AGBL1: variants seen among roughly 807,000 people sequenced by gnomAD.
AGBL1 encodes the protein AGBL carboxypeptidase 1.
In AGBL1, 130 loss-of-function variants were observed where a neutral mutation model predicts 118.9. The observed-to-expected ratio is 1.09, with a 90% CI of 0.95 to 1.26. The LOEUF (loss-of-function observed/expected upper bound fraction) is 1.26. AGBL1 is among the 50% of genes most tolerant of loss of function. The pLI, the probability that AGBL1 is intolerant of heterozygous loss-of-function variation, is 0.00. For synonymous variants in AGBL1, 555 were observed against 478.9 expected, an observed-to-expected ratio of 1.16 and a Z score of -2.08; for missense variants, 1,584 against 1,298.1, an observed-to-expected ratio of 1.22 and a Z score of -3.38.
intron 22 of AGBL1, among the ~76,000 whole-genome samples, chr15:86,736,444 A>G (rs2077600826): frequency 6.6e-6 from 1 of 152,112 alleles, no homozygotes; most frequent in Non-Finnish European, 1.5e-5. Flanking sequence ...ACTTCTATAT[A>G]GCATCTCCCA....
At chr15:86,530,398 A>G (rs1236161975) in intron 19 of AGBL1, among the ~76,000 whole-genome samples, 12 of 139,544 alleles carry the variant, frequency 8.6e-5, no homozygotes, top group Non-Finnish European at 1.2e-4. Context: ...CAATTCAACA[A>G]GAGGAGCTAA....
chr15:86,807,969 A>G (rs554703760), intron 22 of AGBL1, among the ~76,000 whole-genome samples: 11 of 152,258 alleles, frequency 7.2e-5, no homozygotes, highest in Middle Eastern at 3.4e-3. Context: ...AACATGGGCA[A>G]GCTGTGGAAC....
chr15:86,200,923 A>G (rs2077898082), intron 5 of AGBL1, among the ~76,000 whole-genome samples: 1 of 152,100 alleles, frequency 6.6e-6, no homozygotes, highest in Non-Finnish European at 1.5e-5. Flanking sequence ...GCGAGGAATC[A>G]TGAATTCTTT....
In AGBL1 at chr15:86,256,864, T is replaced by A; in HGVS notation, c.747T>A (p.Asp249Glu). 2.5e-6 allele frequency: 4 copies of A among 1,613,870 alleles called. No homozygotes were observed. The highest frequency in any genetic ancestry group is 3.4e-6 in the Non-Finnish European group (4 of 1,179,842). The change falls in exon 8 of 23, where the codon GAT becomes GAA. Residue 249 changes from aspartate to glutamate, a missense_variant. Coordinates refer to ENST00000614907, the MANE Select transcript of AGBL1 (RefSeq NM_001386094.1). ...TTCCCTTTGCTCAGAACTGCCTGGA[T>A]GACAAGAGCATGGAGCCCGTCATCT... Reference protein sequence around the residue: ...ILFSTTQNCLDDKSMEPVISV... With the variant: ...ILFSTTQNCLEDKSMEPVISV...
intron 23 of AGBL1, among the ~76,000 whole-genome samples, chr15:86,979,072 G>C (rs143404088): frequency 6.6e-6 from 1 of 152,296 alleles, no homozygotes; most frequent in East Asian, 1.9e-4. Context: ...GTGTGAGGAG[G>C]TAAATCCTAC....
intron 1 of AGBL1, among the ~76,000 whole-genome samples, chr15:86,098,384 C>T (rs1053661059): frequency 1.3e-5 from 2 of 152,068 alleles, no homozygotes; most frequent in African/African-American, 4.8e-5. Context: ...AAAATCTTTG[C>T]TTTGGGCCAA....
chr15:86,876,011 C>T (rs1431477497), intron 22 of AGBL1, among the ~76,000 whole-genome samples: 1 of 152,178 alleles, frequency 6.6e-6, no homozygotes, highest in African/African-American at 2.4e-5. Flanking sequence ...CTTTGTCAGG[C>T]AGGTGGCAGA....
chr15:86,544,360 C>A (rs1379721408), intron 19 of AGBL1, among the ~76,000 whole-genome samples: 1 of 152,156 alleles, frequency 6.6e-6, no homozygotes, highest in African/African-American at 2.4e-5. Flanking sequence ...AGACAGCAAA[C>A]CCCTTAATAT....
intron 22 of AGBL1, among the ~76,000 whole-genome samples, chr15:86,747,153 T>C (rs866459828): frequency 1.3e-5 from 2 of 151,914 alleles, no homozygotes; most frequent in African/African-American, 2.4e-5. Context: ...GGGCCCCAAA[T>C]ATAGGCCATG....
chr15:86,109,189 A>G (rs1007553818), intron 1 of AGBL1, among the ~76,000 whole-genome samples: 1 of 152,194 alleles, frequency 6.6e-6, no homozygotes, highest in Non-Finnish European at 1.5e-5. Context: ...CAGTACTACA[A>G]TAATAATAAC....
At chr15:86,814,388 G>A (rs2078831804) in intron 22 of AGBL1, among the ~76,000 whole-genome samples, 1 of 152,178 alleles carries the variant, frequency 6.6e-6, no homozygotes, top group African/African-American at 2.4e-5. Flanking sequence ...CAAAAAGGTT[G>A]GGGACTGCTC....
chr15:86,086,497 A>T (rs1895663459), intron 1 of AGBL1: 1 of 152,190 alleles, frequency 6.6e-6, no homozygotes, highest in African/African-American at 2.4e-5. Context: ...ATGATATGAG[A>T]CAAGGGAGCA....
chr15:87,024,765 A>G (rs1369042139), intron 24 of AGBL1, among the ~76,000 whole-genome samples: 1 of 152,070 alleles, frequency 6.6e-6, no homozygotes, highest in Non-Finnish European at 1.5e-5. Context: ...ATCCAACAAT[A>G]TATCAAAAAG....
At chr15:86,755,575 T>C (rs2077925417) in intron 22 of AGBL1, among the ~76,000 whole-genome samples, 1 of 152,112 alleles carries the variant, frequency 6.6e-6, no homozygotes, top group African/African-American at 2.4e-5. Flanking sequence ...GTCCCCCTCT[T>C]CCAAGGATTC....
In AGBL1 at chr15:86,546,039, A is replaced by T. The variant is rs373338498; in HGVS notation, c.2723A>T (p.Asn908Ile). ...TTCCATGGCCACTCCCAAAAGAAGA[A>T]TGTGTTCCTTTATGGCTGTAGCATC... Reference protein sequence around the residue: ...CDFHGHSQKKNVFLYGCSIKE... With the variant: ...CDFHGHSQKKIVFLYGCSIKE... The change falls in exon 20 of 23, where the codon AAT becomes ATT. Residue 908 changes from asparagine (N) to isoleucine (I), a missense_variant. Physicochemically the swap from Asn to Ile is moderately radical, Grantham distance 149. Transcript: ENST00000614907. 8 of 1,613,250 alleles carry T rather than the reference A, an allele frequency of 5.0e-6. No homozygotes were observed. Among genetic ancestry groups the T allele is most frequent in the Non-Finnish European group, 6.8e-6 (8 of 1,179,522 alleles).
chr15:86,763,009 G>T (rs1283705637), intron 22 of AGBL1, among the ~76,000 whole-genome samples: 2 of 151,958 alleles, frequency 1.3e-5, no homozygotes, highest in Non-Finnish European at 2.9e-5. Flanking sequence ...CACAATTCAG[G>T]TTGCTTAATT....
At chr15:86,165,117 T>C (rs2077319496) in intron 5 of AGBL1, among the ~76,000 whole-genome samples, 1 of 152,080 alleles carries the variant, frequency 6.6e-6, no homozygotes, top group African/African-American at 2.4e-5. Context: ...CGGGAGGAGA[T>C]GGATATGTTT....
At chr15:87,018,122 T>A (rs997449748) in intron 24 of AGBL1, among the ~76,000 whole-genome samples, 1 of 133,038 alleles carries the variant, frequency 7.5e-6, no homozygotes, top group Non-Finnish European at 1.5e-5. Flanking sequence ...TGGGATCATG[T>A]AAAGACACTG....
At chr15:86,257,141 T>A in intron 8 of AGBL1, 123 bp downstream of exon 8, 1 of 1,085,964 alleles carries the variant, frequency 9.2e-7, no homozygotes, top group Non-Finnish European at 1.3e-6. Flanking sequence ...TCTATTAAGC[T>A]AATTAGAGAC....
Sources: gnomAD v4.1 joint callset for allele counts (sites outside exome capture counted in the v4.1 genomes callset) on GRCh38, gnomAD v4.1.1 for gene constraint, MANE v1.5 for transcripts, NCBI Gene and HGNC (gene_info 2026-07-23, HGNC 2026-07-21) for gene names.